RNF150: variants seen among roughly 807,000 people sequenced by gnomAD.
RNF150 encodes the protein ring finger protein 150.
A neutral mutation model predicts 39.3 loss-of-function variants in RNF150; 24 were observed. That is an observed-to-expected ratio of 0.61 (90% CI 0.44 to 0.86). The LOEUF (loss-of-function observed/expected upper bound fraction) is 0.86. Among genes scored for constraint, RNF150 ranks in the 40% least tolerant of loss-of-function variants. The pLI is 0.00. For synonymous variants in RNF150, 255 were observed against 227.3 expected (o/e 1.12, Z -1.10); for missense variants, 502 against 587.8 (o/e 0.85, Z 1.51).
chr4:141,099,753 A>G (rs1738940186), intron 1 of RNF150, among the ~76,000 whole-genome samples: 1 of 152,136 alleles, frequency 6.6e-6, no homozygotes, highest in African/African-American at 2.4e-5. Context: ...ATGATGGTAA[A>G]GAGTGGGATG....
chr4:140,886,517 T>C (rs1729583941), intron 6 of RNF150, among the ~76,000 whole-genome samples: 1 of 152,228 alleles, frequency 6.6e-6, no homozygotes, highest in African/African-American at 2.4e-5. Context: ...TCTTTATATG[T>C]TCTGAATGCA....
chr4:140,871,640 C>CA lies in RNF150; in HGVS notation c.1199-3262dup, dbSNP rs113627126. ...TTTATGACTTTCATATGGGTCCAGC[C>CA]AAAAAAAAAATAGCACAGATAAAGA... On this transcript the variant is annotated intron_variant, in intron 6 of 6. Transcript: ENST00000515673. 6.2e-3 allele frequency among the ~76,000 whole-genome samples: 907 copies of CA among 146,474 alleles called. 7 individuals carry two copies. Among genetic ancestry groups the CA allele is most frequent in the African/African-American group, 0.019 (772 of 40,206 alleles).
intron 1 of RNF150, among the ~76,000 whole-genome samples, chr4:141,168,251 T>G (rs1003344294): frequency 6.6e-6 from 1 of 152,166 alleles, no homozygotes; most frequent in Non-Finnish European, 1.5e-5. Context: ...TGAGATACCA[T>G]CTCACACGAG....
At chr4:141,201,623 C>G (rs2111217547) in intron 1 of RNF150, among the ~76,000 whole-genome samples, 1 of 136,548 alleles carries the variant, frequency 7.3e-6, no homozygotes, top group African/African-American at 2.9e-5. Flanking sequence ...TGGGTGTAGT[C>G]TTGCAATTTT....
rs181899479 is a variant in RNF150 at position 141,155,424 on chromosome 4, G to T, written c.-6+57370C>A. Among the ~76,000 whole-genome samples the T allele has an allele frequency of 8.5e-5, 13 of 152,150 alleles. No individual in the cohort carries two copies. The East Asian group carries it at 2.3e-3, about 27-fold the overall frequency. On this transcript the variant is annotated intron_variant, in intron 1 of 7. Transcript: ENST00000420921. ...AGAGCTTTATTCCTTAAAAAGAGTT[G>T]CAGCCTGCAAGCCGGCCATCCTACA...
At chr4:140,901,963 G>A (rs1203280679) in intron 6 of RNF150, among the ~76,000 whole-genome samples, 2 of 152,186 alleles carry the variant, frequency 1.3e-5, no homozygotes, top group African/African-American at 4.8e-5. Context: ...TGGGGAAGAG[G>A]CAGGGAGAAA....
At chr4:141,005,512 C>T (rs1365500852) in intron 1 of RNF150, among the ~76,000 whole-genome samples, 1 of 152,072 alleles carries the variant, frequency 6.6e-6, no homozygotes, top group Non-Finnish European at 1.5e-5. Flanking sequence ...ATTAGGCCTG[C>T]TAAGAGAGAA....
chr4:141,050,498 T>C (rs942652647), intron 1 of RNF150, among the ~76,000 whole-genome samples: 3 of 152,178 alleles, frequency 2.0e-5, no homozygotes, highest in Non-Finnish European at 4.4e-5. Flanking sequence ...AATTTAGCTA[T>C]TTCCTAGATA....
chr4:141,112,115 C>T (rs997630811), intron 1 of RNF150, among the ~76,000 whole-genome samples: 1 of 152,144 alleles, frequency 6.6e-6, no homozygotes, highest in Non-Finnish European at 1.5e-5. Context: ...ACTATGAAAA[C>T]TATAACTATT....
At chr4:141,204,593 G>A (rs1465705237) in intron 1 of RNF150, among the ~76,000 whole-genome samples, 1 of 152,090 alleles carries the variant, frequency 6.6e-6, no homozygotes, top group African/African-American at 2.4e-5. Flanking sequence ...AGGGTGGAGA[G>A]GGATTTTAAA....
chr4:141,141,838 TA>T (rs2111126576), intron 1 of RNF150, among the ~76,000 whole-genome samples: 1 of 152,030 alleles, frequency 6.6e-6, no homozygotes, highest in East Asian at 1.9e-4. Context: ...AATAATATAA[TA>T]AAAAAACTGT....
chr4:141,019,582 C>T (rs1043908546), intron 1 of RNF150, among the ~76,000 whole-genome samples: 1 of 152,078 alleles, frequency 6.6e-6, no homozygotes, highest in Non-Finnish European at 1.5e-5. Context: ...CCTCTCCCAC[C>T]CTCCACCACC....
At chr4:140,936,713 T>G (rs946377957) in intron 4 of RNF150, among the ~76,000 whole-genome samples, 10 of 152,216 alleles carry the variant, frequency 6.6e-5, no homozygotes, top group African/African-American at 2.4e-4. Context: ...AACAAAATGT[T>G]AAAAATAGTA....
intron 1 of RNF150, among the ~76,000 whole-genome samples, chr4:141,173,478 A>G (rs572716451): frequency 6.6e-6 from 1 of 152,306 alleles, no homozygotes; most frequent in Admixed American, 6.5e-5. Flanking sequence ...GGTCCATTTG[A>G]CAGAAGATGA....
chr4:141,027,103 G>T (rs1664606409), intron 1 of RNF150, among the ~76,000 whole-genome samples: 1 of 152,128 alleles, frequency 6.6e-6, no homozygotes, highest in Admixed American at 6.6e-5. Context: ...GCTCTTGTCG[G>T]CTGACAATGC....
At chr4:141,158,045 C>T (rs544480447) in intron 1 of RNF150, among the ~76,000 whole-genome samples, 65 of 152,206 alleles carry the variant, frequency 4.3e-4, no homozygotes, top group Non-Finnish European at 8.4e-4. Flanking sequence ...GTAATCACAG[C>T]ACTTTGGGAG....
At chr4:141,143,278 C>T (rs1244079967) in intron 1 of RNF150, among the ~76,000 whole-genome samples, 1 of 152,170 alleles carries the variant, frequency 6.6e-6, no homozygotes, top group Non-Finnish European at 1.5e-5. Flanking sequence ...TTATGAGTAT[C>T]ACAAAATTAT....
At chr4:140,960,043 C>T (rs1291095409) in intron 2 of RNF150, among the ~76,000 whole-genome samples, 1 of 152,122 alleles carries the variant, frequency 6.6e-6, no homozygotes, top group African/African-American at 2.4e-5. Flanking sequence ...ATCAAAATAC[C>T]TACCTGGCAT....
At position 141,132,934 on chromosome 4, in the gene RNF150, G is replaced by GC. The variant is rs1560754264; in HGVS notation, c.-127dup. 3 of 736,024 alleles carry GC rather than the reference G, an allele frequency of 4.1e-6. No homozygotes were observed. The highest frequency in any genetic ancestry group is 6.3e-6 in the Non-Finnish European group (3 of 478,470). 45.6% of individuals were successfully genotyped at this position (736,024 alleles called of 1,614,324 possible). Reference sequence around the variant, plus strand: ...TGCTGCTCACTCCCGGGCCGGAGGGGCCGCGGCCGGGACGCGCAGCCGCCG... The same window carrying GC: ...TGCTGCTCACTCCCGGGCCGGAGGGGCCCGCGGCCGGGACGCGCAGCCGCCG... On this transcript the variant is annotated 5_prime_UTR_variant, in exon 1 of 7. An upstream open reading frame in the 5' UTR loses its in-frame stop. Coordinates refer to ENST00000515673, the MANE Select transcript of RNF150 (RefSeq NM_020724.2). This position sits in a 1 kb window ranked among gnomAD's most constrained non-coding sequence, Gnocchi z 4.9.
Sources: allele counts gnomAD v4.1 joint callset (sites outside exome capture counted in the v4.1 genomes callset), GRCh38; gene constraint gnomAD v4.1.1; non-coding constraint Gnocchi (gnomAD v3.1); transcripts MANE v1.5; gene names NCBI Gene and HGNC (gene_info 2026-07-23, HGNC 2026-07-21).